AGBL3: variants seen among roughly 807,000 people sequenced by gnomAD.
The protein encoded by AGBL3 is AGBL carboxypeptidase 3.
A neutral mutation model predicts 94.5 loss-of-function variants in AGBL3; 68 were observed. That is an observed-to-expected ratio of 0.72 (90% CI 0.59 to 0.88). The LOEUF (loss-of-function observed/expected upper bound fraction) is 0.88. Ranked by LOEUF, AGBL3 falls within the 40% of genes least tolerant of loss-of-function variation. The pLI is 0.00. For missense variants in AGBL3, 934 were observed against 1,103.8 expected (o/e 0.85, Z 2.18); for synonymous variants, 354 against 370.7 (o/e 0.95, Z 0.52).
chr7:135,120,970 G>A (rs368639435), intron 16 of AGBL3, among the ~76,000 whole-genome samples: 181 of 152,256 alleles, frequency 1.2e-3, no homozygotes, highest in Non-Finnish European at 1.9e-3. Flanking sequence ...TTGGGAGGCC[G>A]AGGCAGGTGG....
intron 4 of AGBL3, among the ~76,000 whole-genome samples, chr7:134,999,606 A>G (rs1811457612): frequency 6.6e-6 from 1 of 152,128 alleles, no homozygotes; most frequent in Non-Finnish European, 1.5e-5. Context: ...GTGGGCACTG[A>G]CATGTCCTAC....
Position 135,134,900 on chromosome 7 carries a change from GA to G in AGBL3, c.2405del (p.Asn802IlefsTer5). The G allele has an allele frequency of 3.2e-6, 5 of 1,551,140 alleles. No individual in the cohort carries two copies. Among genetic ancestry groups the G allele is most frequent in the Non-Finnish European group, 4.4e-6 (5 of 1,146,618 alleles). On this transcript the variant is annotated frameshift_variant, in exon 17 of 17. Transcript: ENST00000436302. LOFTEE classifies it low-confidence loss of function (END_TRUNC). ...KKYSTSWTAP[R>X]NHPFVIQGDV... ...TACAGCACATCTTGGACAGCACCCA[GA>G]AATCACCCTTTTGTAATCCAAGGGG...
At chr7:135,060,079 G>A (rs1241399579) in intron 12 of AGBL3, among the ~76,000 whole-genome samples, 1 of 152,054 alleles carries the variant, frequency 6.6e-6, no homozygotes, top group Non-Finnish European at 1.5e-5. Flanking sequence ...TTGAAAACCC[G>A]GAGTACACAA....
intron 15 of AGBL3, among the ~76,000 whole-genome samples, chr7:135,107,475 G>A (rs1407361925): frequency 4.6e-5 from 7 of 152,040 alleles, no homozygotes; most frequent in African/African-American, 7.2e-5. Context: ...TTATTTACCC[G>A]AAAGTCATTC....
At position 135,063,631 on chromosome 7, in the gene AGBL3, C is replaced by CAA. The variant is rs1162886304; in HGVS notation, c.1908+4396_1908+4397insAA. The stretch of plus-strand genomic sequence containing the variant: ...TTTCTGTTTTAATTTCTTTACTGAC[C>CAA]CATTGGCTGTTCAGGAGTGTATTAT... On this transcript the variant is annotated intron_variant, in intron 12 of 16. Transcript: ENST00000436302. Among the ~76,000 whole-genome samples the CAA allele has an allele frequency of 3.3e-5, 5 of 151,992 alleles. No individual in the cohort carries two copies. In the South Asian group the frequency reaches 1.0e-3, roughly 32 times the overall value.
intron 6 of AGBL3, 128 bp downstream of exon 6, chr7:135,033,110 T>C: frequency 1.0e-6 from 1 of 991,698 alleles, no homozygotes; most frequent in Non-Finnish European, 1.4e-6. Context: ...TATTAATAAT[T>C]AGAAATTGTT....
At position 135,057,104 on chromosome 7, in the gene AGBL3, T is replaced by C. The variant is rs532009190; in HGVS notation, c.1842-2065T>C. Among the ~76,000 whole-genome samples the C allele has an allele frequency of 7.2e-5, 11 of 152,170 alleles. No homozygotes were observed. In the South Asian group the frequency reaches 1.5e-3, roughly 20 times the overall value. On this transcript the variant is annotated intron_variant, in intron 11 of 16. Coordinates refer to ENST00000436302, the MANE Select transcript of AGBL3 (RefSeq NM_178563.4). ...ATATATTTGTCACCGCTGACAAATA[T>C]AGTCAATGGTGTTTGAAAAAAGAGC...
intron 16 of AGBL3, among the ~76,000 whole-genome samples, chr7:135,125,078 C>CA (rs758413481): frequency 6.6e-6 from 1 of 151,616 alleles, no homozygotes; most frequent in African/African-American, 2.4e-5. Context: ...GATAGAGACA[C>CA]AAAAAACTCC....
At chr7:135,053,214 G>A (rs957033936) in intron 11 of AGBL3, among the ~76,000 whole-genome samples, 8 of 152,184 alleles carry the variant, frequency 5.3e-5, no homozygotes, top group African/African-American at 1.2e-4. Context: ...TGAAAAATGC[G>A]TGAAGCTGAC....
chr7:135,005,948 T>C (rs1213705480), intron 4 of AGBL3, among the ~76,000 whole-genome samples: 1 of 151,854 alleles, frequency 6.6e-6, no homozygotes, highest in Non-Finnish European at 1.5e-5. Context: ...CAAGAATGCA[T>C]TCAAAATGAA....
At chr7:135,064,880 G>C (rs1372332309) in intron 12 of AGBL3, among the ~76,000 whole-genome samples, 1 of 152,178 alleles carries the variant, frequency 6.6e-6, no homozygotes, top group East Asian at 1.9e-4. Context: ...AAAAAGTCTA[G>C]GGACAAGGCT....
At chr7:135,079,972 C>A (rs1049539344) in intron 13 of AGBL3, among the ~76,000 whole-genome samples, 1 of 151,842 alleles carries the variant, frequency 6.6e-6, no homozygotes, top group Non-Finnish European at 1.5e-5. Context: ...CCCTTTACTG[C>A]CAAAATATAG....
rs145538233 is a variant in AGBL3, at chr7:135,108,683, C to T, written c.2111-6697C>T. Among the ~76,000 whole-genome samples, 191 of 152,246 alleles carry T rather than the reference C, an allele frequency of 1.3e-3. 3 individuals carry two copies. Among genetic ancestry groups the T allele is most frequent in the African/African-American group, 4.6e-3 (189 of 41,528 alleles). ...GATGTTTATGTGTCTTGGGAATGAT[C>T]TTCTTGTATAGAATCTTGCAGGGGT... On this transcript the variant is annotated intron_variant, in intron 15 of 16. Coordinates refer to ENST00000436302, the MANE Select transcript of AGBL3 (RefSeq NM_178563.4).
chr7:135,036,789 G>C (rs1274996570), intron 7 of AGBL3, among the ~76,000 whole-genome samples: 1 of 152,134 alleles, frequency 6.6e-6, no homozygotes, highest in East Asian at 1.9e-4. Flanking sequence ...ATTTCAGTCA[G>C]AAAGAAAATA....
chr7:135,057,514 A>G (rs1584962363), intron 11 of AGBL3, among the ~76,000 whole-genome samples: 1 of 152,326 alleles, frequency 6.6e-6, no homozygotes, highest in South Asian at 2.1e-4. Context: ...TATAATAGCT[A>G]AAATCCAAAG....
At chr7:135,077,775 A>AT (rs1367221112) in intron 13 of AGBL3, among the ~76,000 whole-genome samples, 2 of 152,022 alleles carry the variant, frequency 1.3e-5, no homozygotes, top group Non-Finnish European at 2.9e-5. Context: ...AAACTCGGCC[A>AT]TTTTGTTTCT....
chr7:135,051,176 A>G (rs2116619005), intron 11 of AGBL3: 2 of 227,464 alleles, frequency 8.8e-6, no homozygotes, highest in Non-Finnish European at 1.7e-5. Flanking sequence ...ACTTACAGGA[A>G]AGGTAAAACA....
chr7:135,034,414 C>A lies in AGBL3; in HGVS notation c.823C>A (p.Arg275Ser). ...TAGGAACAACCCAGGCCAAGATGGG[C>A]GCCATTATTTCTCTCTTACATGGAC... ...YYRNNPGQDGRHYFSLTWTFQ... is the reference protein window; with the variant it reads ...YYRNNPGQDGSHYFSLTWTFQ... The change falls in exon 7 of 17, where the codon CGC becomes AGC. Residue 275 changes from arginine (R) to serine (S), a missense_variant. By Grantham distance (110) the Arg-to-Ser change is moderately radical (BLOSUM62 -1). Transcript: ENST00000436302. 1 of 1,551,666 alleles carries A rather than the reference C, an allele frequency of 6.4e-7. No individual in the cohort carries two copies. Among genetic ancestry groups the A allele is most frequent in the Non-Finnish European group, 8.7e-7 (1 of 1,146,972 alleles).
chr7:135,058,767 C>A (rs1360454456), intron 11 of AGBL3, among the ~76,000 whole-genome samples: 3 of 151,886 alleles, frequency 2.0e-5, no homozygotes, highest in Non-Finnish European at 2.9e-5. Flanking sequence ...CTTCTTTTTT[C>A]CCCCCCAAGA....
Sources: allele counts gnomAD v4.1 joint callset (sites outside exome capture counted in the v4.1 genomes callset), GRCh38; gene constraint gnomAD v4.1.1; transcripts MANE v1.5; gene names NCBI Gene and HGNC (gene_info 2026-07-23, HGNC 2026-07-21).